KCNC4: variants seen among roughly 807,000 people sequenced by gnomAD.
KCNC4 encodes the protein potassium voltage-gated channel subfamily C member 4, also known as voltage-gated potassium channel KCNC4.
In KCNC4, 23 loss-of-function variants were observed where a neutral mutation model predicts 42.8. The ratio of observed to expected loss-of-function variants is 0.54; its 90% confidence interval spans 0.39 to 0.76. The LOEUF (loss-of-function observed/expected upper bound fraction) is 0.76, where lower values mean the gene tolerates loss of function less well. KCNC4 is among the 30% of genes least tolerant of loss of function. The probability of loss-of-function intolerance (pLI) is 0.00; values close to 1 mark genes in which losing one functional copy is unlikely to be tolerated. For missense variants in KCNC4, 751 were observed against 898.2 expected (o/e 0.84, Z 2.10); for synonymous variants, 422 against 393.5 (o/e 1.07, Z -0.86).
downstream of KCNC4, among the ~76,000 whole-genome samples, chr1:110,251,635 G>A (rs1351523234): frequency 6.6e-6 from 1 of 152,230 alleles, no homozygotes; most frequent in African/African-American, 2.4e-5. Flanking sequence ...TCTGCTCAGA[G>A]GGTAAGCATT....
chr1:110,213,145 G>A (rs1657586061), intron 1 of KCNC4, among the ~76,000 whole-genome samples: 1 of 120,778 alleles, frequency 8.3e-6, no homozygotes, highest in Admixed American at 1.0e-4. Context: ...CGGGGGAGGT[G>A]CTTCCCCCAT....
chr1:110,278,538 A>C (rs1406871875), intron 1 of KCNC4, among the ~76,000 whole-genome samples: 3 of 152,190 alleles, frequency 2.0e-5, no homozygotes, highest in African/African-American at 7.2e-5. Flanking sequence ...CCTGGAGTAG[A>C]TGATTTCAAA....
intron 1 of KCNC4, among the ~76,000 whole-genome samples, chr1:110,263,260 G>A (rs1659483906): frequency 6.6e-6 from 1 of 152,168 alleles, no homozygotes; most frequent in Non-Finnish European, 1.5e-5. Context: ...GGTAATAACA[G>A]CTGTTCTGGG....
chr1:110,264,490 C>G (rs1023458899), intron 1 of KCNC4, among the ~76,000 whole-genome samples: 13 of 152,130 alleles, frequency 8.5e-5, no homozygotes, highest in Non-Finnish European at 1.5e-4. Context: ...CTTAGTCCCC[C>G]CTTATCTGAG....
intron 3 of KCNC4, 137 bp from the exon 4 acceptor site, chr1:110,232,774 A>C: frequency 6.5e-7 from 1 of 1,538,608 alleles, no homozygotes; most frequent in Non-Finnish European, 8.7e-7. Context: ...GTGGGTCAGC[A>C]GCTGGCTTCC....
chr1:110,239,898 C>T (rs1658992655), exon 4 of KCNC4: 3 of 152,220 alleles, frequency 2.0e-5, no homozygotes, highest in Non-Finnish European at 1.5e-5. Flanking sequence ...GCGAGTTGCT[C>T]AGAGGTGCTG....
At chr1:110,227,010 C>G (rs1658431940) in intron 3 of KCNC4, among the ~76,000 whole-genome samples, 1 of 152,196 alleles carries the variant, frequency 6.6e-6, no homozygotes, top group South Asian at 2.1e-4. Flanking sequence ...CCCTCCTACC[C>G]AGTTTTCGAT....
intron 1 of KCNC4, among the ~76,000 whole-genome samples, chr1:110,254,417 C>T (rs548066272): frequency 1.3e-5 from 2 of 152,294 alleles, no homozygotes; most frequent in Admixed American, 1.3e-4. Flanking sequence ...CTTCATTGCA[C>T]CCACTGCATA....
At chr1:110,270,802 C>T (rs1659620778) in intron 1 of KCNC4, among the ~76,000 whole-genome samples, 1 of 152,206 alleles carries the variant, frequency 6.6e-6, no homozygotes, top group African/African-American at 2.4e-5. Context: ...GAGGTCTGAA[C>T]ACAGGATGCC....
chr1:110,232,502 G>T, intron 3 of KCNC4: 1 of 1,438,736 alleles, frequency 7.0e-7, no homozygotes, highest in Non-Finnish European at 9.1e-7. Flanking sequence ...CTGCCTCCAT[G>T]CAAGGCTGCA....
chr1:110,252,562 G>A (rs1444778479), downstream of KCNC4, among the ~76,000 whole-genome samples: 3 of 152,138 alleles, frequency 2.0e-5, no homozygotes, highest in East Asian at 1.9e-4. Context: ...GATCACCGGA[G>A]AGAGGTTGGA....
rs1010476514 is a variant in KCNC4 at position 110,211,135 on chromosome 1, G to A, written c.-365G>A. Among the ~76,000 whole-genome samples, 2 of 152,252 alleles carry A rather than the reference G, an allele frequency of 1.3e-5. No homozygotes were observed. The highest frequency in any genetic ancestry group is 2.9e-5 in the Non-Finnish European group (2 of 68,050). The stretch of plus-strand genomic sequence containing the variant: ...CCTTCGCGGTGCGCGTGGACTGTGC[G>A]CTTCCTCGTCTTTGGTCGGGGTGAA... On this transcript the variant is annotated 5_prime_UTR_variant, in exon 1 of 4. Transcript: ENST00000438661. The surrounding 1 kb of genome is among the most constrained non-coding windows in gnomAD (Gnocchi z 6.5).
downstream of KCNC4, among the ~76,000 whole-genome samples, chr1:110,254,096 G>T (rs879724601): frequency 1.4e-4 from 18 of 132,878 alleles, no homozygotes; most frequent in Admixed American, 3.6e-4. Flanking sequence ...AAGTCGGGGG[G>T]GGGGCGGCGT....
intron 1 of KCNC4, among the ~76,000 whole-genome samples, chr1:110,278,746 C>T (rs901746621): frequency 1.3e-5 from 2 of 152,122 alleles, no homozygotes; most frequent in Admixed American, 6.5e-5. Context: ...CTGCTGCAAT[C>T]GTATCTGTCA....
chr1:110,275,670 TA>T (rs1335709499), intron 1 of KCNC4, among the ~76,000 whole-genome samples: 6 of 152,008 alleles, frequency 3.9e-5, no homozygotes, highest in Admixed American at 2.0e-4. Context: ...TTCAGCCACT[TA>T]AAAAAGAATG....
In KCNC4 at chr1:110,223,739, A is replaced by G; in HGVS notation, c.1454A>G (p.Lys485Arg). The G allele has an allele frequency of 6.2e-7, 1 of 1,614,162 alleles. No homozygotes were observed. Among genetic ancestry groups the G allele is most frequent in the Non-Finnish European group, 8.5e-7 (1 of 1,180,036 alleles). The part of the protein sequence containing the change: ...FGMYYSLAMA[K>R]QKLPKKRKKH... The stretch of plus-strand genomic sequence containing the variant: ...ATGTACTACTCCCTGGCCATGGCCA[A>G]GCAGAAGCTGCCCAAGAAACGGAAG... The change falls in exon 2 of 4, where the codon AAG becomes AGG. Residue 485 changes from lysine to arginine, a missense_variant. Lys to Arg is a conservative substitution (Grantham distance 26, BLOSUM62 2). This residue lies in a region of KCNC4 where 185 missense variants were observed against 293.7 expected (regional missense o/e 0.63). Coordinates refer to ENST00000438661, the MANE Select transcript of KCNC4 (RefSeq NM_001039574.3). The surrounding 1 kb of genome is among the most constrained non-coding windows in gnomAD (Gnocchi z 7.5).
At chr1:110,281,356 C>A (rs1315938008) in intron 1 of KCNC4, among the ~76,000 whole-genome samples, 1 of 152,070 alleles carries the variant, frequency 6.6e-6, no homozygotes, top group Non-Finnish European at 1.5e-5. Context: ...GGCTGTGGAG[C>A]TCCAGGCTTG....
At chr1:110,265,652 C>A (rs1659530605) in intron 1 of KCNC4, among the ~76,000 whole-genome samples, 1 of 152,176 alleles carries the variant, frequency 6.6e-6, no homozygotes, top group Non-Finnish European at 1.5e-5. Flanking sequence ...CAATAGTCAT[C>A]ATCTTCCATT....
In KCNC4 at chr1:110,223,240, T is replaced by A; in HGVS notation, c.955T>A (p.Phe319Ile). The change falls in exon 2 of 4, where the codon TTT (phenylalanine) becomes ATT (isoleucine). Residue 319 changes from phenylalanine to isoleucine, a missense_variant. Phe to Ile is a conservative substitution (Grantham distance 21). This residue lies in a region of KCNC4 where 185 missense variants were observed against 293.7 expected (regional missense o/e 0.63). Coordinates refer to ENST00000438661, the MANE Select transcript of KCNC4 (RefSeq NM_001039574.3). This position sits in a 1 kb window ranked among gnomAD's most constrained non-coding sequence, Gnocchi z 7.5. The part of the protein sequence containing the change: ...FVKNLLNIID[F>I]VAILPFYLEV... ...CAAGAACCTGCTCAACATCATCGAC[T>A]TTGTGGCCATCCTGCCCTTCTACCT... The A allele has an allele frequency of 1.2e-6, 2 of 1,614,208 alleles. No homozygotes were observed. Among genetic ancestry groups the A allele is most frequent in the Non-Finnish European group, 1.7e-6 (2 of 1,180,036 alleles).
Sources: allele counts gnomAD v4.1 joint callset (sites outside exome capture counted in the v4.1 genomes callset), GRCh38; gene constraint gnomAD v4.1.1; regional missense constraint gnomAD v4.1.1; non-coding constraint Gnocchi (gnomAD v3.1); transcripts MANE v1.5; gene names NCBI Gene and HGNC (gene_info 2026-07-23, HGNC 2026-07-21).